Variants in APOO observed in about 807,000 individuals in gnomAD.
APOO encodes the protein apolipoprotein O, also known as MICOS complex subunit MIC26.
A neutral mutation model predicts 23.1 loss-of-function variants in APOO; 11 were observed. The ratio of observed to expected loss-of-function variants is 0.48; its 90% CI spans 0.30 to 0.79. The LOEUF is 0.79. Among genes scored for constraint, APOO ranks in the 30% least tolerant of loss-of-function variants. The pLI, the probability that APOO is intolerant of heterozygous loss-of-function variation, is 0.07. For synonymous variants in APOO, 59 were observed against 54.8 expected (o/e 1.08, Z -0.34); for missense variants, 160 against 142.7 (o/e 1.12, Z -0.62).
At chrX:23,834,388 T>C (rs1416094948) in intron 8 of APOO, among the ~76,000 whole-genome samples, 2 of 89,505 alleles carry the variant, frequency 2.2e-5, no homozygotes, top group East Asian at 3.5e-4. Flanking sequence ...AGAGCAAAAC[T>C]CTGTCTCAAA....
intron 1 of APOO, among the ~76,000 whole-genome samples, chrX:23,892,447 G>T (rs181221385): frequency 0.015 from 1,646 of 109,259 alleles, 30 homozygotes; most frequent in African/African-American, 0.051. Flanking sequence ...TAGAGACAGG[G>T]TTTCACCATG....
intron 7 of APOO, among the ~76,000 whole-genome samples, chrX:23,851,067 ATATATGGT>A (rs1461125891): frequency 1.8e-5 from 2 of 111,535 alleles, no homozygotes; most frequent in Non-Finnish European, 3.8e-5. Flanking sequence ...GAATACAGAC[ATATATGGT>A]TAAACTGGAA....
chrX:23,869,745 T>C (rs1251461590), intron 4 of APOO, among the ~76,000 whole-genome samples: 17 of 104,117 alleles, frequency 1.6e-4, no homozygotes, highest in Non-Finnish European at 2.9e-4. Flanking sequence ...AGGTCAGGAG[T>C]TCGAGACCAG....
chrX:23,896,789 G>A (rs1258948775), intron 1 of APOO, among the ~76,000 whole-genome samples: 2 of 95,098 alleles, frequency 2.1e-5, no homozygotes, highest in East Asian at 3.4e-4. Flanking sequence ...TGGGTGTGAC[G>A]GAGCACACTC....
intron 3 of APOO, among the ~76,000 whole-genome samples, chrX:23,876,960 A>G (rs183988263): frequency 3.1e-4 from 35 of 112,631 alleles, no homozygotes; most frequent in African/African-American, 1.1e-3. Flanking sequence ...TACAAAAACT[A>G]TTATAATTAC....
rs191142780 is a variant in APOO at position 23,867,143 on chromosome X, C to T, written c.388+1450G>A. ...CGAAACGAAACGAAACGAAACGAAA[C>T]GAAACTAAACTAAACTAAAGTAAAA... On this transcript the variant is annotated intron_variant, in intron 5 of 8. Coordinates refer to ENST00000379226, the MANE Select transcript of APOO (RefSeq NM_024122.5). Among the ~76,000 whole-genome samples, 9 of 110,551 alleles carry T rather than the reference C, an allele frequency of 8.1e-5. No homozygotes were observed. The South Asian group carries it at 1.6e-3, about 19-fold the overall frequency.
chrX:23,898,502 C>T (rs931556969), intron 1 of APOO, among the ~76,000 whole-genome samples: 10 of 110,910 alleles, frequency 9.0e-5, no homozygotes, highest in Non-Finnish European at 1.3e-4. Flanking sequence ...TATTCATGTG[C>T]GTTTTTCTTC....
At chrX:23,880,276 G>C (rs1016001487) in intron 2 of APOO, among the ~76,000 whole-genome samples, 7 of 111,310 alleles carry the variant, frequency 6.3e-5, no homozygotes, top group African/African-American at 2.3e-4. Flanking sequence ...GGATTCCCCA[G>C]TAAACATTTA....
Position 23,858,666 on chromosome X carries a change from T to C in APOO, c.456A>G (p.Pro152=), listed in dbSNP as rs751533900. The C allele has an allele frequency of 5.8e-6, 7 of 1,211,327 alleles. No homozygotes were observed. The highest frequency in any genetic ancestry group is 6.7e-6 in the Non-Finnish European group (6 of 895,266). The change falls in exon 6 of 9, where the codon CCA becomes CCG. Residue 152 remains proline, a synonymous_variant. Coordinates refer to ENST00000379226, the MANE Select transcript of APOO (RefSeq NM_024122.5). ...FMGLAASLYY[P]QQAIVFAQVS... is the part of the protein sequence containing the mutation. ...CCTGGGCAAACACGATGGCTTGTTG[T>C]GGATAATAGAGGGAGGCAGCTAATC... is the stretch of plus-strand genomic sequence containing the variant.
chrX:23,858,163 G>A (rs1017757623), intron 6 of APOO, among the ~76,000 whole-genome samples: 4 of 110,669 alleles, frequency 3.6e-5, no homozygotes, highest in East Asian at 2.8e-4. Context: ...TGAAAGCCCC[G>A]AAAAGGGCAC....
intron 1 of APOO, among the ~76,000 whole-genome samples, chrX:23,889,166 T>C (rs1377317177): frequency 4.5e-5 from 5 of 110,524 alleles, no homozygotes; most frequent in Non-Finnish European, 7.6e-5. Flanking sequence ...AATAAAAAGA[T>C]TGAGTTTATC....
At chrX:23,848,662 G>T (rs1169220417) in intron 7 of APOO, among the ~76,000 whole-genome samples, 1 of 108,977 alleles carries the variant, frequency 9.2e-6, no homozygotes, top group East Asian at 2.8e-4. Context: ...TGAAACAATA[G>T]AAGCAAAATA....
chrX:23,903,782 T>G (rs1032141193), intron 1 of APOO, among the ~76,000 whole-genome samples: 1 of 111,610 alleles, frequency 9.0e-6, no homozygotes, highest in Non-Finnish European at 1.9e-5. Context: ...TACCATTCTG[T>G]TGAGTCGTAC....
intron 1 of APOO, among the ~76,000 whole-genome samples, chrX:23,893,146 G>A (rs1054035604): frequency 5.5e-5 from 6 of 109,689 alleles, no homozygotes; most frequent in Admixed American, 9.8e-5. Context: ...GGCCGGGCGC[G>A]GTGGCTCACG....
At chrX:23,876,219 C>T (rs752117316) in intron 3 of APOO, among the ~76,000 whole-genome samples, 10 of 109,747 alleles carry the variant, frequency 9.1e-5, no homozygotes, top group Non-Finnish European at 1.5e-4. Flanking sequence ...GCCGAGATCG[C>T]GCCACTGCAC....
intron 2 of APOO, among the ~76,000 whole-genome samples, chrX:23,880,487 G>A (rs992717489): frequency 3.6e-5 from 4 of 111,210 alleles, no homozygotes; most frequent in African/African-American, 1.3e-4. Context: ...ATCACCTGAG[G>A]TCGGGAGTTC....
chrX:23,857,659 A>G (rs1341087053), intron 6 of APOO, among the ~76,000 whole-genome samples: 3 of 111,728 alleles, frequency 2.7e-5, no homozygotes, highest in African/African-American at 3.2e-5. Flanking sequence ...TCAGAGTCCA[A>G]TTTGGGTGAC....
chrX:23,863,534 T>G (rs1925195135), intron 5 of APOO, among the ~76,000 whole-genome samples: 1 of 111,906 alleles, frequency 8.9e-6, no homozygotes, highest in Non-Finnish European at 1.9e-5. Context: ...AAAGTTTTGA[T>G]GGCAAACAAA....
At chrX:23,849,870 C>T (rs1404818667) in intron 7 of APOO, among the ~76,000 whole-genome samples, 4 of 103,158 alleles carry the variant, frequency 3.9e-5, no homozygotes, top group Non-Finnish European at 7.8e-5. Context: ...CCAGCCTGGG[C>T]GACAGAGTAA....
Sources: allele counts gnomAD v4.1 joint callset (sites outside exome capture counted in the v4.1 genomes callset), GRCh38; gene constraint gnomAD v4.1.1; transcripts MANE v1.5; gene names NCBI Gene and HGNC (gene_info 2026-07-23, HGNC 2026-07-21).